The following EPB41L4B variants were observed in gnomAD, a reference collection of about 807,000 sequenced individuals.
EPB41L4B encodes erythrocyte membrane protein band 4.1 like 4B.
Under a neutral mutation model 112.5 loss-of-function variants are expected in EPB41L4B, and 30 were observed. The observed-to-expected ratio is 0.27, with a 90% CI of 0.20 to 0.36. The LOEUF (loss-of-function observed/expected upper bound fraction) is 0.36. Among genes scored for constraint, EPB41L4B ranks in the 10% least tolerant of loss-of-function variants. The probability of loss-of-function intolerance (pLI) is 1.00; values close to 1 mark genes in which losing one functional copy is unlikely to be tolerated. For missense variants in EPB41L4B, 1,024 were observed against 1,133.3 expected (o/e 0.90, Z 1.38); for synonymous variants, 408 against 439.7 (o/e 0.93, Z 0.90).
At chr9:109,217,792 C>T (rs190488793) in intron 15 of EPB41L4B, among the ~76,000 whole-genome samples, 1 of 152,262 alleles carries the variant, frequency 6.6e-6, no homozygotes, top group East Asian at 1.9e-4. Context: ...GGGCTGGTCT[C>T]AAACTCCTGG....
intron 24 of EPB41L4B, 106 bp downstream of exon 24, chr9:109,182,623 G>A (rs1245815569): frequency 2.5e-6 from 2 of 801,744 alleles, no homozygotes; most frequent in Non-Finnish European, 4.3e-6. Flanking sequence ...AGAGTTCAAC[G>A]GTGATCAAAA....
At chr9:109,230,836 T>C (rs1057451647) in intron 15 of EPB41L4B, among the ~76,000 whole-genome samples, 5 of 152,172 alleles carry the variant, frequency 3.3e-5, no homozygotes, top group African/African-American at 1.2e-4. Flanking sequence ...GTGAGAAGGT[T>C]GACTCTACTT....
At chr9:109,257,314 C>T (rs10979775) in intron 7 of EPB41L4B, among the ~76,000 whole-genome samples, 19,800 of 152,000 alleles carry the variant, frequency 0.13, 1,612 homozygotes, top group Non-Finnish European at 0.19. Context: ...AGGTTAACAT[C>T]TAGGAAACCC....
intron 14 of EPB41L4B, among the ~76,000 whole-genome samples, chr9:109,244,574 G>A (rs973476930): frequency 6.6e-6 from 1 of 150,558 alleles, no homozygotes; most frequent in African/African-American, 2.4e-5. Flanking sequence ...GGGTAGCTGG[G>A]ATTACAGGCA....
intron 15 of EPB41L4B, among the ~76,000 whole-genome samples, chr9:109,219,607 G>GCCTCAC (rs201307208): frequency 0.073 from 11,069 of 152,084 alleles, 426 homozygotes; most frequent in African/African-American, 0.097. Context: ...TGATCCACCC[G>GCCTCAC]CCTCCCAAAG....
intron 20 of EPB41L4B, among the ~76,000 whole-genome samples, chr9:109,195,213 G>T (rs1378091707): frequency 6.6e-6 from 1 of 152,188 alleles, no homozygotes; most frequent in East Asian, 1.9e-4. Context: ...TTGCATAGGG[G>T]TTGTGATTTA....
At chr9:109,310,139 A>G (rs7025125) in intron 1 of EPB41L4B, among the ~76,000 whole-genome samples, 58,728 of 151,928 alleles carry the variant, frequency 0.39, 11,743 homozygotes, top group African/African-American at 0.47. Context: ...GATCAATTCC[A>G]GTATATGCAT....
intron 1 of EPB41L4B, among the ~76,000 whole-genome samples, chr9:109,301,630 G>A (rs1380295379): frequency 1.3e-5 from 2 of 152,122 alleles, no homozygotes; most frequent in East Asian, 3.8e-4. Flanking sequence ...CTCTTTTAAG[G>A]TTAATTTCAC....
intron 2 of EPB41L4B, among the ~76,000 whole-genome samples, chr9:109,270,239 G>GA (rs1196323340): frequency 3.3e-5 from 5 of 150,956 alleles, no homozygotes; most frequent in African/African-American, 9.7e-5. Context: ...TGTTACATGA[G>GA]AAAAAAAAAT....
chr9:109,238,209 G>A (rs566778489), intron 15 of EPB41L4B, among the ~76,000 whole-genome samples: 13 of 152,216 alleles, frequency 8.5e-5, no homozygotes, highest in African/African-American at 2.9e-4. Context: ...ATATATTAGC[G>A]CAGATCAATG....
At chr9:109,226,607 C>CATATATATATATAT (rs3081622) in intron 15 of EPB41L4B, among the ~76,000 whole-genome samples, 60 of 90,822 alleles carry the variant, frequency 6.6e-4, no homozygotes, top group African/African-American at 2.4e-3. Context: ...TTGGATTTTT[C>CATATATATATATAT]ATATATATAT....
At chr9:109,240,344 C>T in intron 15 of EPB41L4B, 1 of 985,372 alleles carries the variant, frequency 1.0e-6, no homozygotes, top group South Asian at 4.7e-5. Context: ...CTCCACTGTG[C>T]AAGGTATGCA....
intron 17 of EPB41L4B, among the ~76,000 whole-genome samples, chr9:109,210,935 A>C (rs1833144533): frequency 6.6e-6 from 1 of 152,230 alleles, no homozygotes. Context: ...TGATATTATT[A>C]TAGTTGGAAA....
chr9:109,207,739 T>C (rs1179434328), intron 18 of EPB41L4B, among the ~76,000 whole-genome samples, 185 bp downstream of exon 18: 1 of 152,192 alleles, frequency 6.6e-6, no homozygotes, highest in African/African-American at 2.4e-5. Context: ...CACCCTTTCA[T>C]GTACCTAATC....
rs115253941 is a variant in EPB41L4B, at chr9:109,230,810, T to C, written c.1409+12808A>G. On this transcript the variant is annotated intron_variant, in intron 15 of 25. Transcript: ENST00000374566. ...CTTATAGCAACTTAGTGGTCTTATA[T>C]CTAAAAAAAAGACTAGTGAGAAGGT... 1.4e-3 allele frequency among the ~76,000 whole-genome samples: 219 copies of C among 152,304 alleles called. 1 individual carries two copies. The highest frequency in any genetic ancestry group is 5.0e-3 in the African/African-American group (207 of 41,568).
chr9:109,243,803 A>G, intron 14 of EPB41L4B, 121 bp from the exon 15 acceptor site: 1 of 914,678 alleles, frequency 1.1e-6, no homozygotes, highest in Non-Finnish European at 1.7e-6. Context: ...GAAAGGCTAT[A>G]GACCCTGGCT....
At chr9:109,236,981 T>A (rs992158440) in intron 15 of EPB41L4B, among the ~76,000 whole-genome samples, 8 of 152,204 alleles carry the variant, frequency 5.3e-5, no homozygotes, top group Admixed American at 3.3e-4. Flanking sequence ...GAAATACTGA[T>A]CCGAAGGGAT....
chr9:109,252,647 T>C (rs1834832277), intron 12 of EPB41L4B, among the ~76,000 whole-genome samples: 1 of 151,756 alleles, frequency 6.6e-6, no homozygotes, highest in Non-Finnish European at 1.5e-5. Context: ...CCAAGAAAAA[T>C]GCATGGAGTG....
intron 2 of EPB41L4B, among the ~76,000 whole-genome samples, chr9:109,276,312 G>GT (rs1413490225): frequency 6.6e-6 from 1 of 151,610 alleles, no homozygotes; most frequent in Non-Finnish European, 1.5e-5. Context: ...GAAGGGTGAG[G>GT]GGGGGGTCAT....
Sources: allele counts gnomAD v4.1 joint callset (sites outside exome capture counted in the v4.1 genomes callset), GRCh38; gene constraint gnomAD v4.1.1; transcripts MANE v1.5; gene names NCBI Gene and HGNC (gene_info 2026-07-23, HGNC 2026-07-21).